Variants in ZNF410 observed in about 807,000 individuals in gnomAD.
ZNF410 encodes another partner for ARF 1.
In ZNF410, 18 loss-of-function variants were observed where a neutral mutation model predicts 54.8. The observed-to-expected ratio is 0.33, with a 90% CI of 0.23 to 0.49. The LOEUF (loss-of-function observed/expected upper bound fraction) is 0.49. Among genes scored for constraint, ZNF410 ranks in the 20% least tolerant of loss-of-function variants. The pLI is 0.99. For synonymous variants in ZNF410, 191 were observed against 207.3 expected, an observed-to-expected ratio of 0.92 and a Z score of 0.68; for missense variants, 405 against 569.6, an observed-to-expected ratio of 0.71 and a Z score of 2.94.
intron 11 of ZNF410, among the ~76,000 whole-genome samples, chr14:73,926,406 T>G (rs933252862): frequency 6.6e-5 from 10 of 152,048 alleles, no homozygotes; most frequent in African/African-American, 2.4e-4. Context: ...GTTATCTATT[T>G]AAGGAACTGG....
rs11846093 is a variant in ZNF410 at position 73,894,461 on chromosome 14, G to A, written c.169+529G>A. ...TTTTGAGATGGAGTGTCACTCTGTC[G>A]CCCAGGCTGGAGTGTAGTGACGCAA... On this transcript the variant is annotated intron_variant, in intron 3 of 11. Coordinates refer to ENST00000555044, the MANE Select transcript of ZNF410 (RefSeq NM_021188.3). 442 of 689,964 alleles carry A rather than the reference G, an allele frequency of 6.4e-4. 1 individual carries two copies. In the African/African-American group the frequency reaches 6.8e-3, roughly 11 times the overall value. The allele number at this position is 689,964 out of a possible 1,614,324, so 42.7% of individuals were successfully genotyped here.
intron 11 of ZNF410, among the ~76,000 whole-genome samples, chr14:73,929,861 A>T (rs2055886055): frequency 6.6e-6 from 1 of 152,012 alleles, no homozygotes; most frequent in Non-Finnish European, 1.5e-5. Flanking sequence ...ATCAGAAACT[A>T]CAAGTCACCT....
At chr14:73,898,642 A>G (rs2055359911) in intron 5 of ZNF410, 1 of 294,368 alleles carries the variant, frequency 3.4e-6, no homozygotes. Flanking sequence ...TTTATCAGTT[A>G]ATAGGAATAA....
In ZNF410 at chr14:73,896,388, A is replaced by G. The variant is rs1043283668; in HGVS notation, c.242A>G (p.Asn81Ser). The stretch of plus-strand genomic sequence containing the variant: ...GCTGTTTTGAGAAGCCTTCGGGTGA[A>G]TGTGGGTCCAGACGGAGAGGAGACG... Reference protein sequence around the residue: ...SSAVLRSLRVNVGPDGEETRA... With the variant: ...SSAVLRSLRVSVGPDGEETRA... Residue 81 changes from asparagine (N) to serine (S), a missense_variant, in exon 4 of 12, where the codon AAT (asparagine) becomes AGT (serine). By Grantham distance (46) the Asn-to-Ser change is conservative. Around this residue, in one of 3 missense-constraint regions of ZNF410, gnomAD observed 247 missense variants for 342.8 expected, o/e 0.72. Coordinates refer to ENST00000555044, the MANE Select transcript of ZNF410 (RefSeq NM_021188.3). The G allele has an allele frequency of 7.4e-5, 119 of 1,614,086 alleles. No individual in the cohort carries two copies. The highest frequency in any genetic ancestry group is 9.9e-5 in the Non-Finnish European group (117 of 1,180,052).
chr14:73,895,146 G>T (rs1383375139), intron 3 of ZNF410: 1 of 152,120 alleles, frequency 6.6e-6, no homozygotes, highest in Non-Finnish European at 1.5e-5. Context: ...GCAACACCCT[G>T]TCTAAAAGAA....
At chr14:73,929,174 AT>A (rs2055875973) in intron 11 of ZNF410, among the ~76,000 whole-genome samples, 1 of 151,280 alleles carries the variant, frequency 6.6e-6, no homozygotes, top group East Asian at 1.9e-4. Flanking sequence ...CACTTTTAGC[AT>A]TATTCTCCTC....
intron 11 of ZNF410, chr14:73,927,199 C>A: frequency 3.9e-6 from 1 of 253,978 alleles, no homozygotes; most frequent in Non-Finnish European, 8.5e-6. Flanking sequence ...GGTTCTTCTG[C>A]CTCAGCCTCC....
At chr14:73,921,712 G>T (rs2055757252) in intron 9 of ZNF410, among the ~76,000 whole-genome samples, 1 of 152,028 alleles carries the variant, frequency 6.6e-6, no homozygotes, top group Non-Finnish European at 1.5e-5. Context: ...TTATTTACCA[G>T]TCATGACTAC....
At chr14:73,927,390 C>A (rs1244466425) in intron 11 of ZNF410, among the ~76,000 whole-genome samples, 1 of 152,090 alleles carries the variant, frequency 6.6e-6, no homozygotes, top group Non-Finnish European at 1.5e-5. Flanking sequence ...AATTGTGATT[C>A]TTTTATACAA....
intron 2 of ZNF410, 138 bp downstream of exon 2, chr14:73,892,346 G>T: frequency 1.4e-6 from 1 of 695,660 alleles, no homozygotes; most frequent in Non-Finnish European, 2.3e-6. Flanking sequence ...ATATGGTTTT[G>T]ATTGTTACTA....
intron 8 of ZNF410, among the ~76,000 whole-genome samples, chr14:73,918,997 CTTTTTTTTTT>C (rs906481832): frequency 1.3e-4 from 8 of 60,640 alleles, no homozygotes; most frequent in East Asian, 7.7e-4. Flanking sequence ...CGTGCCCGGC[CTTTTTTTTTT>C]TTTTTTTTTT....
At chr14:73,923,769 G>A (rs988434754) in intron 11 of ZNF410, among the ~76,000 whole-genome samples, 1 of 152,164 alleles carries the variant, frequency 6.6e-6, no homozygotes, top group Admixed American at 6.6e-5. Context: ...CCTTGTTGAT[G>A]TCTGTTCCCA....
chr14:73,892,274 A>AG, intron 2 of ZNF410, 66 bp downstream of exon 2: 2 of 1,552,266 alleles, frequency 1.3e-6, no homozygotes, highest in South Asian at 2.4e-5. Flanking sequence ...TCTTCAGTTT[A>AG]GGGGGTCAGC....
In ZNF410 at chr14:73,919,886, G is replaced by GTTTTT. The variant is rs1158550117; in HGVS notation, c.1004-1073_1004-1069dup. Among the ~76,000 whole-genome samples the GTTTTT allele has an allele frequency of 6.5e-3, 402 of 62,032 alleles. 3 individuals carry two copies. The highest frequency in any genetic ancestry group is 0.018 in the Middle Eastern group (1 of 56). The allele number at this position is 62,032 out of a possible 152,430, so 40.7% of individuals were successfully genotyped here. ...ATTCCACCCTGTTTCTATTGTATAG[G>GTTTTT]TTTTTTTTTTTTTTTTTTTTTTTTT... On this transcript the variant is annotated intron_variant, in intron 8 of 11. Coordinates refer to ENST00000555044, the MANE Select transcript of ZNF410 (RefSeq NM_021188.3).
chr14:73,909,591 T>G, intron 8 of ZNF410, 161 bp downstream of exon 8: 1 of 511,748 alleles, frequency 2.0e-6, no homozygotes, highest in African/African-American at 2.0e-5. Context: ...AGGCCCTTAA[T>G]TCTTATAATC....
At chr14:73,921,157 GC>G (rs2055749570) in intron 9 of ZNF410, 52 bp downstream of exon 9, 1 of 1,603,530 alleles carries the variant, frequency 6.2e-7, no homozygotes, top group African/African-American at 1.3e-5. Context: ...GGTTCCAAGA[GC>G]CAAATCACTG....
At chr14:73,898,717 G>A (rs2140299843) in intron 5 of ZNF410, among the ~76,000 whole-genome samples, 1 of 152,338 alleles carries the variant, frequency 6.6e-6, no homozygotes, top group African/African-American at 2.4e-5. Context: ...ATGTTTTGCT[G>A]AAACTAAATT....
rs553704170 is a variant in ZNF410, at chr14:73,925,540, G to A, written c.1398+2018G>A. The stretch of plus-strand genomic sequence containing the variant: ...CCTCTCAGGTTCAAGCAATTTTCCT[G>A]CCTCAGTCTCCTGAATAGCTGGGAT... On this transcript the variant is annotated intron_variant, in intron 11 of 11. Transcript: ENST00000555044. Among the ~76,000 whole-genome samples, 105 of 151,838 alleles carry A rather than the reference G, an allele frequency of 6.9e-4. 1 individual carries two copies. The highest frequency in any genetic ancestry group is 3.4e-3 in the Middle Eastern group (1 of 294).
chr14:73,897,146 C>T (rs1299460937), intron 4 of ZNF410, among the ~76,000 whole-genome samples: 1 of 151,794 alleles, frequency 6.6e-6, no homozygotes, highest in African/African-American at 2.4e-5. Flanking sequence ...ACATGATGGG[C>T]TTATTAGTGA....
Sources: allele counts gnomAD v4.1 joint callset (sites outside exome capture counted in the v4.1 genomes callset), GRCh38; gene constraint gnomAD v4.1.1; regional missense constraint gnomAD v4.1.1; transcripts MANE v1.5; gene names NCBI Gene and HGNC (gene_info 2026-07-23, HGNC 2026-07-21).